Variants in PKHD1L1 observed in about 807,000 individuals in gnomAD.
PKHD1L1 encodes PKHD1 like 1.
Under a neutral mutation model 462.9 loss-of-function variants are expected in PKHD1L1, and 434 were observed. The observed-to-expected ratio is 0.94, with a 90% CI of 0.87 to 1.02. The LOEUF (loss-of-function observed/expected upper bound fraction) is 1.02, where lower values mean the gene tolerates loss of function less well. PKHD1L1 is among the 50% of genes least tolerant of loss of function. PKHD1L1 has a pLI of 0.00. For synonymous variants in PKHD1L1, 1,781 were observed against 1,750.0 expected (o/e 1.02, Z -0.44); for missense variants, 5,202 against 5,096.1 (o/e 1.02, Z -0.63).
intron 19 of PKHD1L1, among the ~76,000 whole-genome samples, chr8:109,410,820 C>T (rs1005763754): frequency 6.8e-6 from 1 of 148,012 alleles, no homozygotes; most frequent in Non-Finnish European, 1.5e-5. Flanking sequence ...CCTCCACCTC[C>T]CAAGTTCAAG....
chr8:109,485,696 C>G (rs1244236001), intron 58 of PKHD1L1, among the ~76,000 whole-genome samples: 2 of 151,876 alleles, frequency 1.3e-5, no homozygotes. Flanking sequence ...ATCCAAATCT[C>G]AGGAAGTGGG....
chr8:109,403,052 C>T (rs1813354073), intron 14 of PKHD1L1, among the ~76,000 whole-genome samples: 1 of 152,116 alleles, frequency 6.6e-6, no homozygotes, highest in South Asian at 2.1e-4. Flanking sequence ...CAGACTTTGG[C>T]TTGGTTTTGG....
At chr8:109,409,286 G>A (rs1813716832) in intron 18 of PKHD1L1, among the ~76,000 whole-genome samples, 1 of 150,586 alleles carries the variant, frequency 6.6e-6, no homozygotes, top group African/African-American at 2.5e-5. Context: ...GTCTCACTCT[G>A]TCACCAGGCT....
intron 12 of PKHD1L1, 100 bp from the exon 13 acceptor site, chr8:109,399,975 GA>G: frequency 8.1e-7 from 1 of 1,235,642 alleles, no homozygotes; most frequent in Non-Finnish European, 1.1e-6. Context: ...CTAAAAATAT[GA>G]ATTGATATAC....
intron 43 of PKHD1L1, among the ~76,000 whole-genome samples, chr8:109,453,315 C>A (rs540050331): frequency 6.6e-6 from 1 of 152,150 alleles, no homozygotes; most frequent in African/African-American, 2.4e-5. Context: ...CCTAAATGAT[C>A]CCCTTGACTC....
In PKHD1L1 at chr8:109,391,451, A is replaced by C. The variant is rs368559877; in HGVS notation, c.740+957A>C. Among the ~76,000 whole-genome samples the C allele has an allele frequency of 8.5e-5, 13 of 152,276 alleles. No individual in the cohort carries two copies. In the South Asian group the frequency reaches 2.7e-3, roughly 32 times the overall value. On this transcript the variant is annotated intron_variant, in intron 9 of 77. Coordinates refer to ENST00000378402, the MANE Select transcript of PKHD1L1 (RefSeq NM_177531.6). ...ATAGCAGGATTTCCCCACTCTTGGG[A>C]GCATTTGCAAATGTGTGAAGAATCC...
Position 109,444,949 on chromosome 8 carries a change from C to G in PKHD1L1, c.5080C>G (p.Leu1694Val). 6.2e-7 allele frequency: 1 copy of G among 1,613,984 alleles called. No homozygotes were observed. Among genetic ancestry groups the G allele is most frequent in the Non-Finnish European group, 8.5e-7 (1 of 1,179,872 alleles). Residue 1694 changes from leucine to valine, a missense_variant, in exon 38 of 78, where the codon CTT becomes GTT. Around this residue, in one of 3 missense-constraint regions of PKHD1L1, gnomAD observed 4,497 missense variants for 4,336.8 expected, o/e 1.04. Transcript: ENST00000378402. Reference sequence around the variant, plus strand: ...CGTTTCTTCTGCAGGTGTAAAAGTCCTTATGGGTCATTTCCCATGTAAAGT... The same window carrying G: ...CGTTTCTTCTGCAGGTGTAAAAGTCGTTATGGGTCATTTCCCATGTAAAGT... Reference protein sequence around the residue: ...FAVSSAGVKVLMGHFPCKVLS... With the variant: ...FAVSSAGVKVVMGHFPCKVLS...
In PKHD1L1 at chr8:109,445,208, C is replaced by T; in HGVS notation, c.5339C>T (p.Ala1780Val). The T allele has an allele frequency of 1.2e-6, 2 of 1,613,956 alleles. No individual in the cohort carries two copies. The highest frequency in any genetic ancestry group is 8.5e-7 in the Non-Finnish European group (1 of 1,179,876). Residue 1780 changes from alanine to valine, a missense_variant, in exon 38 of 78, where the codon GCT becomes GTT. Physicochemically the swap from Ala to Val is moderately conservative, Grantham distance 64. Around this residue, in one of 3 missense-constraint regions of PKHD1L1, gnomAD observed 4,497 missense variants for 4,336.8 expected, o/e 1.04. Transcript: ENST00000378402. ...TTGGGGACTGTTTTGGAGGACATTG[C>T]TGTTTTCATTGGAAATCAACAGTTC... ...EGLGTVLEDI[A>V]VFIGNQQFRA... is the part of the protein sequence containing the mutation.
At chr8:109,441,922 CTG>C in intron 34 of PKHD1L1, 83 bp from the exon 35 acceptor site, 1 of 1,130,086 alleles carries the variant, frequency 8.8e-7, no homozygotes, top group Non-Finnish European at 1.2e-6. Context: ...TCACTACTGA[CTG>C]TATATAAATT....
At chr8:109,398,982 C>G (rs1399198668) in intron 12 of PKHD1L1, among the ~76,000 whole-genome samples, 1 of 152,108 alleles carries the variant, frequency 6.6e-6, no homozygotes, top group Non-Finnish European at 1.5e-5. Context: ...AAATGTTACT[C>G]TAAATTCTTT....
intron 2 of PKHD1L1, among the ~76,000 whole-genome samples, chr8:109,375,462 C>T (rs570394182): frequency 8.1e-4 from 123 of 152,152 alleles, no homozygotes; most frequent in Middle Eastern, 6.8e-3. Flanking sequence ...TCCTTTAGCT[C>T]GGAGTGGTTT....
At position 109,497,715 on chromosome 8, in the gene PKHD1L1, C is replaced by T. The variant is rs141727331; in HGVS notation, c.10599+443C>T. ...TGCTGGGATTACAGGCGTGAGCCAC[C>T]GCACCCAACAAAAAAGCTGTTCATT... is the stretch of plus-strand genomic sequence containing the variant. On this transcript the variant is annotated intron_variant, in intron 65 of 77. Transcript: ENST00000378402. Among the ~76,000 whole-genome samples, 1,272 of 152,186 alleles carry T rather than the reference C, an allele frequency of 8.4e-3. 15 individuals carry two copies. The highest frequency in any genetic ancestry group is 0.029 in the African/African-American group (1,206 of 41,546).
Position 109,420,631 on chromosome 8 carries a change from A to G in PKHD1L1, c.2638A>G (p.Thr880Ala). The change falls in exon 23 of 78, where the codon ACC becomes GCC. Residue 880 changes from threonine to alanine, a missense_variant. Physicochemically the swap from Thr to Ala is moderately conservative, Grantham distance 58. Around this residue, in one of 3 missense-constraint regions of PKHD1L1, gnomAD observed 4,497 missense variants for 4,336.8 expected, o/e 1.04. Coordinates refer to ENST00000378402, the MANE Select transcript of PKHD1L1 (RefSeq NM_177531.6). ...AACTATGACAAACCAATATTCTGTT[A>G]CCATGACTTCATACAATTGCAGTTA... ...GPTMTNQYSV[T>A]MTSYNCSYNI... 6.2e-7 allele frequency: 1 copy of G among 1,608,360 alleles called. No individual in the cohort carries two copies. The highest frequency in any genetic ancestry group is 8.5e-7 in the Non-Finnish European group (1 of 1,177,404).
intron 68 of PKHD1L1, among the ~76,000 whole-genome samples, chr8:109,506,031 G>T (rs1381964561): frequency 1.3e-5 from 2 of 152,188 alleles, no homozygotes; most frequent in African/African-American, 2.4e-5. Flanking sequence ...GTGTTTGGGG[G>T]GTCAACAGAG....
intron 14 of PKHD1L1, among the ~76,000 whole-genome samples, chr8:109,403,844 A>G (rs1813394697): frequency 6.6e-6 from 1 of 152,152 alleles, no homozygotes; most frequent in Non-Finnish European, 1.5e-5. Context: ...TGTCCTCTCC[A>G]AAGATGTGAG....
intron 73 of PKHD1L1, among the ~76,000 whole-genome samples, chr8:109,519,198 C>CCT (rs1319475445): frequency 1.3e-5 from 2 of 152,018 alleles, no homozygotes; most frequent in Non-Finnish European, 2.9e-5. Context: ...GCCATCATCC[C>CCT]CTCTCTGTGT....
At chr8:109,380,940 T>A (rs1321415191) in intron 2 of PKHD1L1, among the ~76,000 whole-genome samples, 1 of 152,164 alleles carries the variant, frequency 6.6e-6, no homozygotes, top group Non-Finnish European at 1.5e-5. Context: ...AGATATAGAA[T>A]CTGGTGCTAT....
In PKHD1L1 at chr8:109,449,348, T is replaced by G. The variant is rs1816350688; in HGVS notation, c.6036T>G (p.Gly2012=). The G allele has an allele frequency of 2.5e-6, 4 of 1,573,328 alleles. No individual in the cohort carries two copies. Among genetic ancestry groups the G allele is most frequent in the Non-Finnish European group, 3.5e-6 (4 of 1,157,996 alleles). ...ATTTGTCTTCACTAGGGAGCTTTGGTGGGGGTCAAACCATGACTGTGACAG... is the reference window on the plus strand; with the variant it reads ...ATTTGTCTTCACTAGGGAGCTTTGGGGGGGGTCAAACCATGACTGTGACAG... The part of the protein sequence containing the change: ...QNINPSQGSF[G]GGQTMTVTGT... The change falls in exon 40 of 78, where the codon GGT becomes GGG. Residue 2012 remains glycine (G), a synonymous_variant. Transcript: ENST00000378402.
chr8:109,368,499 C>A (rs1272321228), intron 2 of PKHD1L1, among the ~76,000 whole-genome samples: 1 of 152,136 alleles, frequency 6.6e-6, no homozygotes, highest in African/African-American at 2.4e-5. Context: ...AGTATAAATT[C>A]TATCCATTAG....
Sources: gnomAD v4.1 joint callset for allele counts (sites outside exome capture counted in the v4.1 genomes callset) on GRCh38, gnomAD v4.1.1 for gene constraint, gnomAD v4.1.1 regional missense constraint, MANE v1.5 for transcripts, NCBI Gene and HGNC (gene_info 2026-07-23, HGNC 2026-07-21) for gene names.